The following FOXN3 variants were observed in gnomAD, a reference collection of about 807,000 sequenced individuals.
The protein encoded by FOXN3 is forkhead box protein N3.
In FOXN3, 7 loss-of-function variants were observed where a neutral mutation model predicts 38.4. The observed-to-expected ratio is 0.18, with a 90% CI of 0.10 to 0.34. FOXN3 has a LOEUF of 0.34. Ranked by LOEUF, FOXN3 falls within the 10% of genes least tolerant of loss-of-function variation. The probability of loss-of-function intolerance (pLI) is 1.00; values close to 1 mark genes in which losing one functional copy is unlikely to be tolerated. For synonymous variants in FOXN3, 230 were observed against 242.2 expected (o/e 0.95, Z 0.47); for missense variants, 456 against 613.4 (o/e 0.74, Z 2.71).
chr14:89,464,315 G>C, intron 1 of FOXN3, among the ~76,000 whole-genome samples: 1 of 152,128 alleles, frequency 6.6e-6, no homozygotes. Context: ...CAGCTCAAGT[G>C]CCTACTCTAC....
intron 2 of FOXN3, chr14:89,409,556 G>A (rs777733316): frequency 6.6e-6 from 1 of 152,238 alleles, no homozygotes; most frequent in Non-Finnish European, 1.5e-5. Context: ...CAAACACGAA[G>A]ATTCAAGCAT....
At chr14:89,187,613 G>A (rs758280559) in intron 4 of FOXN3, among the ~76,000 whole-genome samples, 15 of 152,178 alleles carry the variant, frequency 9.9e-5, no homozygotes, top group Non-Finnish European at 2.2e-4. Flanking sequence ...CCCTTAAGAA[G>A]GCAAAGGACT....
intron 4 of FOXN3, among the ~76,000 whole-genome samples, chr14:89,209,233 C>T (rs1888459745): frequency 6.6e-6 from 1 of 152,230 alleles, no homozygotes. Flanking sequence ...TTCTTGCTTC[C>T]AACACAAAGC....
Position 89,330,169 on chromosome 14 carries a change from A to T in FOXN3, c.680+20503T>A, listed in dbSNP as rs374085164. On this transcript the variant is annotated intron_variant, in intron 3 of 5. Coordinates refer to ENST00000557258, the MANE Select transcript of FOXN3 (RefSeq NM_005197.4). ...ACTTGAGGGCTGCAGAGATTCTGAC[A>T]GGGTGGCTGGAAGCACAAACCTGTT... is the stretch of plus-strand genomic sequence containing the variant. Among the ~76,000 whole-genome samples, 3 of 152,330 alleles carry T rather than the reference A, an allele frequency of 2.0e-5. No individual in the cohort carries two copies. In the East Asian group the frequency reaches 5.8e-4, roughly 29 times the overall value.
At chr14:89,298,176 G>A (rs1281867196) in intron 3 of FOXN3, among the ~76,000 whole-genome samples, 2 of 152,126 alleles carry the variant, frequency 1.3e-5, no homozygotes, top group South Asian at 2.1e-4. Flanking sequence ...AATGCAATAA[G>A]CCAGTCACAA....
At chr14:89,534,100 CTTTT>C (rs79800046) in intron 1 of FOXN3, among the ~76,000 whole-genome samples, 2 of 113,836 alleles carry the variant, frequency 1.8e-5, no homozygotes, top group South Asian at 2.8e-4. Context: ...ATTATACATT[CTTTT>C]TTTTTTTTTT....
At chr14:89,238,833 T>G (rs1367004562) in intron 4 of FOXN3, among the ~76,000 whole-genome samples, 1 of 151,992 alleles carries the variant, frequency 6.6e-6, no homozygotes, top group African/African-American at 2.4e-5. Flanking sequence ...GTGAGTGAAA[T>G]GTATCCATTT....
At chr14:89,588,402 G>A (rs183996216) in intron 1 of FOXN3, among the ~76,000 whole-genome samples, 115 of 152,266 alleles carry the variant, frequency 7.6e-4, no homozygotes, top group African/African-American at 2.4e-3. Flanking sequence ...CCCAGGAATC[G>A]TGACTTGGGT....
chr14:89,434,055 C>T (rs1892222000), intron 1 of FOXN3, among the ~76,000 whole-genome samples: 1 of 150,388 alleles, frequency 6.6e-6, no homozygotes, highest in African/African-American at 2.4e-5. Context: ...TCCAGAGTAG[C>T]TGGTATTACA....
intron 4 of FOXN3, among the ~76,000 whole-genome samples, chr14:89,233,804 G>A (rs938478148): frequency 3.3e-5 from 5 of 152,206 alleles, no homozygotes; most frequent in African/African-American, 7.2e-5. Context: ...CCCTGGGATA[G>A]TTTATCATCT....
intron 4 of FOXN3, among the ~76,000 whole-genome samples, chr14:89,204,779 A>C (rs1888333933): frequency 6.6e-6 from 1 of 151,322 alleles, no homozygotes; most frequent in Non-Finnish European, 1.5e-5. Context: ...AATTTGATAC[A>C]AAGAGACATA....
intron 1 of FOXN3, among the ~76,000 whole-genome samples, chr14:89,490,343 G>A (rs1327335521): frequency 6.6e-6 from 1 of 152,210 alleles, no homozygotes; most frequent in East Asian, 1.9e-4. Context: ...ATTGTTGTTG[G>A]ATGACGGTGT....
At chr14:89,195,994 A>G (rs998085173) in intron 4 of FOXN3, among the ~76,000 whole-genome samples, 2 of 152,080 alleles carry the variant, frequency 1.3e-5, no homozygotes, top group Admixed American at 1.3e-4. Context: ...CTCAAATCCC[A>G]TATTAAAAAA....
chr14:89,304,299 CCGGGAAGGGG>C (rs908055235), intron 3 of FOXN3, among the ~76,000 whole-genome samples: 15 of 152,090 alleles, frequency 9.9e-5, no homozygotes, highest in South Asian at 2.1e-4. Context: ...GAGCTGGAGC[CCGGGAAGGGG>C]CGGGAAGGGG....
upstream of FOXN3, chr14:89,419,312 T>C: frequency 2.4e-6 from 1 of 419,826 alleles, no homozygotes; most frequent in South Asian, 1.7e-5. Context: ...TAATGTGGCC[T>C]TTTCCACCTT....
At chr14:89,393,677 T>C (rs1396358504) in intron 2 of FOXN3, among the ~76,000 whole-genome samples, 2 of 152,048 alleles carry the variant, frequency 1.3e-5, no homozygotes, top group African/African-American at 4.8e-5. Context: ...AAAAGATCAG[T>C]TGGGATTACA....
At chr14:89,568,132 C>T (rs1224381773) in intron 1 of FOXN3, among the ~76,000 whole-genome samples, 1 of 152,044 alleles carries the variant, frequency 6.6e-6, no homozygotes, top group Non-Finnish European at 1.5e-5. Context: ...GTAATTGTCA[C>T]CTCCTAAATG....
chr14:89,387,720 C>T (rs745932578), intron 2 of FOXN3, among the ~76,000 whole-genome samples: 4 of 152,272 alleles, frequency 2.6e-5, no homozygotes, highest in Non-Finnish European at 4.4e-5. Context: ...GGGCTTTAAA[C>T]GGAGCCCTTA....
intron 1 of FOXN3, among the ~76,000 whole-genome samples, chr14:89,589,809 T>G (rs1270446966): frequency 6.6e-6 from 1 of 152,214 alleles, no homozygotes; most frequent in Non-Finnish European, 1.5e-5. Context: ...TGTGTGGTTG[T>G]ATTCACATCA....
Sources: gnomAD v4.1 joint callset for allele counts (sites outside exome capture counted in the v4.1 genomes callset) on GRCh38, gnomAD v4.1.1 for gene constraint, MANE v1.5 for transcripts, NCBI Gene and HGNC (gene_info 2026-07-23, HGNC 2026-07-21) for gene names.